ZNF516: variants seen among roughly 807,000 people sequenced by gnomAD.
ZNF516 encodes zinc finger protein 516.
In ZNF516, 19 loss-of-function variants were observed where a neutral mutation model predicts 79.7. The ratio of observed to expected loss-of-function variants is 0.24; its 90% confidence interval spans 0.17 to 0.35. The LOEUF (loss-of-function observed/expected upper bound fraction) is 0.35, where lower values mean the gene tolerates loss of function less well. ZNF516 is among the 10% of genes least tolerant of loss of function. ZNF516 has a pLI of 1.00. For missense variants in ZNF516, 1,678 were observed against 1,679.5 expected, an observed-to-expected ratio of 1.00 and a Z score of 0.02; for synonymous variants, 877 against 739.5, an observed-to-expected ratio of 1.19 and a Z score of -3.02.
At chr18:76,468,169 A>G (rs978694276) in intron 1 of ZNF516, among the ~76,000 whole-genome samples, 2 of 152,180 alleles carry the variant, frequency 1.3e-5, no homozygotes, top group Admixed American at 1.3e-4. Context: ...TGTATACAGA[A>G]ATGTGTTTTT....
chr18:76,459,075 GA>G lies in ZNF516; in HGVS notation c.-158+3952del, dbSNP rs1912931087. Among the ~76,000 whole-genome samples, 1 of 152,184 alleles carries G rather than the reference GA, an allele frequency of 6.6e-6. No homozygotes were observed. Among genetic ancestry groups the G allele is most frequent in the African/African-American group, 2.4e-5 (1 of 41,434 alleles). ...AGCACTCATTCAAATACCCTACCTG[GA>G]GGCAAACACGCATGTCCACTTCCAA... On this transcript the variant is annotated intron_variant, in intron 2 of 6. Transcript: ENST00000443185. The surrounding 1 kb of genome is among the most constrained non-coding windows in gnomAD (Gnocchi z 5.0).
intron 3 of ZNF516, among the ~76,000 whole-genome samples, chr18:76,383,570 G>GACCC (rs2074929303): frequency 7.5e-6 from 1 of 133,416 alleles, no homozygotes; most frequent in Non-Finnish European, 1.6e-5. Context: ...CTCAGCCAGG[G>GACCC]ACCCAGGACC....
intron 4 of ZNF516, among the ~76,000 whole-genome samples, chr18:76,373,193 A>C (rs1436952122): frequency 6.6e-6 from 1 of 151,202 alleles, no homozygotes; most frequent in Non-Finnish European, 1.5e-5. Flanking sequence ...AAAGAACAGA[A>C]GAGAGAAGAA....
chr18:76,440,771 C>CGA (rs1340119194), intron 3 of ZNF516, among the ~76,000 whole-genome samples: 4 of 142,440 alleles, frequency 2.8e-5, no homozygotes, highest in Non-Finnish European at 4.6e-5. Context: ...TGCGCGCACG[C>CGA]GCGCATGCAT....
chr18:76,451,010 G>A lies in ZNF516; in HGVS notation c.-157-7799C>T, dbSNP rs1460052552. Reference sequence around the variant, plus strand: ...ATTTAGAGTCATTTCCTCAACAATCGAACGCTTAAAGTTGCGGAAACCAAG... The same window carrying A: ...ATTTAGAGTCATTTCCTCAACAATCAAACGCTTAAAGTTGCGGAAACCAAG... On this transcript the variant is annotated intron_variant, in intron 2 of 6. Coordinates refer to ENST00000443185, the MANE Select transcript of ZNF516 (RefSeq NM_014643.4). This position sits in a 1 kb window ranked among gnomAD's most constrained non-coding sequence, Gnocchi z 6.0. Among the ~76,000 whole-genome samples the A allele has an allele frequency of 1.3e-5, 2 of 152,128 alleles. No individual in the cohort carries two copies. Among genetic ancestry groups the A allele is most frequent in the Non-Finnish European group, 2.9e-5 (2 of 68,006 alleles).
chr18:76,473,519 T>G (rs889958503), intron 1 of ZNF516, among the ~76,000 whole-genome samples: 1 of 152,112 alleles, frequency 6.6e-6, no homozygotes, highest in Non-Finnish European at 1.5e-5. Context: ...CAAAAGTAGT[T>G]GGCTGGGTGC....
At chr18:76,404,078 T>TC (rs1338016564) in intron 3 of ZNF516, among the ~76,000 whole-genome samples, 2 of 152,210 alleles carry the variant, frequency 1.3e-5, no homozygotes, top group Non-Finnish European at 2.9e-5. Flanking sequence ...GCCTCCCCAC[T>TC]CCACTCTGTG....
rs182457868 is a variant in ZNF516 at position 76,482,748 on chromosome 18, A to G, written c.-272+12396T>C. Among the ~76,000 whole-genome samples, 488 of 152,348 alleles carry G rather than the reference A, an allele frequency of 3.2e-3. 4 individuals are homozygous for G. The highest frequency in any genetic ancestry group is 3.7e-3 in the Non-Finnish European group (251 of 68,036). On this transcript the variant is annotated intron_variant, in intron 1 of 6. Coordinates refer to ENST00000443185, the MANE Select transcript of ZNF516 (RefSeq NM_014643.4). Reference sequence around the variant, plus strand: ...ACTTCATTCTCTCATGCAATGAAATAGGCAGAAACAAGCAAACTATTATTA... The same window carrying G: ...ACTTCATTCTCTCATGCAATGAAATGGGCAGAAACAAGCAAACTATTATTA...
intron 3 of ZNF516, among the ~76,000 whole-genome samples, chr18:76,384,146 T>G (rs1477967540): frequency 2.0e-5 from 3 of 152,146 alleles, no homozygotes; most frequent in African/African-American, 7.2e-5. Flanking sequence ...GCACTCCATC[T>G]ACTGCACACG....
intron 3 of ZNF516, among the ~76,000 whole-genome samples, chr18:76,403,623 C>T (rs868218766): frequency 1.1e-4 from 17 of 152,308 alleles, no homozygotes; most frequent in Admixed American, 3.3e-4. Flanking sequence ...TAGAGTTTCA[C>T]ACCCATGAAT....
At chr18:76,496,248 G>C (rs1320019506), upstream of ZNF516, 1 of 1,267,492 alleles carries the variant, frequency 7.9e-7, no homozygotes, top group South Asian at 1.3e-5. Flanking sequence ...GCTGCGGCCT[G>C]CGGAGGGGTA....
chr18:76,381,918 G>A (rs1568243803), intron 3 of ZNF516, among the ~76,000 whole-genome samples: 1 of 152,198 alleles, frequency 6.6e-6, no homozygotes, highest in Non-Finnish European at 1.5e-5. Context: ...GGTCACCTGA[G>A]GTCAGGAGTT....
Position 76,362,223 on chromosome 18 carries a change from G to T in ZNF516, c.*275C>A. ...CTACTGTTTATTATAAGAAAATATG[G>T]GACTATGGACGATGAGCACGTAAAT... On this transcript the variant is annotated 3_prime_UTR_variant, in exon 7 of 7. Transcript: ENST00000443185. 1 of 380,110 alleles carries T rather than the reference G, an allele frequency of 2.6e-6. No individual in the cohort carries two copies. The highest frequency in any genetic ancestry group is 4.8e-6 in the Non-Finnish European group (1 of 207,420). 23.5% of individuals were successfully genotyped at this position (380,110 alleles called of 1,614,324 possible).
At chr18:76,484,045 A>C (rs1010656396) in intron 1 of ZNF516, among the ~76,000 whole-genome samples, 4 of 152,322 alleles carry the variant, frequency 2.6e-5, no homozygotes, top group African/African-American at 7.2e-5. Context: ...ACACTGCCCT[A>C]AACACCTGGT....
At chr18:76,465,590 C>T (rs1287910765) in intron 1 of ZNF516, among the ~76,000 whole-genome samples, 5 of 152,126 alleles carry the variant, frequency 3.3e-5, no homozygotes, top group African/African-American at 1.2e-4. Context: ...TGGAAAGAGG[C>T]GAAAATACGA....
chr18:76,470,117 C>A (rs923620751), intron 1 of ZNF516, among the ~76,000 whole-genome samples: 2 of 152,100 alleles, frequency 1.3e-5, no homozygotes, highest in East Asian at 3.8e-4. Flanking sequence ...CAAACCAAAA[C>A]ACATTTTTCT....
intron 3 of ZNF516, among the ~76,000 whole-genome samples, chr18:76,391,090 G>T (rs2075066372): frequency 6.6e-6 from 1 of 152,132 alleles, no homozygotes. Flanking sequence ...GACACCAGGG[G>T]TCCACAGGAG....
chr18:76,492,008 A>G (rs1204409401), intron 1 of ZNF516, among the ~76,000 whole-genome samples: 1 of 152,032 alleles, frequency 6.6e-6, no homozygotes, highest in African/African-American at 2.4e-5. Context: ...AGGAGGACGA[A>G]GGTCGCCCAC....
chr18:76,487,463 A>G (rs1378473509), intron 1 of ZNF516, among the ~76,000 whole-genome samples: 1 of 152,246 alleles, frequency 6.6e-6, no homozygotes, highest in Non-Finnish European at 1.5e-5. Context: ...CCCCTAAAAT[A>G]TTCTTCAGTT....
Sources: allele counts gnomAD v4.1 joint callset (sites outside exome capture counted in the v4.1 genomes callset), GRCh38; gene constraint gnomAD v4.1.1; non-coding constraint Gnocchi (gnomAD v3.1); transcripts MANE v1.5; gene names NCBI Gene and HGNC (gene_info 2026-07-23, HGNC 2026-07-21).